The following TRABD2B variants were observed in gnomAD, a reference collection of about 807,000 sequenced individuals.
The protein encoded by TRABD2B is TraB domain containing 2B.
TRABD2B carries 14 observed loss-of-function variants against 40.1 expected under a neutral mutation model. The ratio of observed to expected loss-of-function variants is 0.35; its 90% CI spans 0.23 to 0.55. The LOEUF (loss-of-function observed/expected upper bound fraction) is 0.55. TRABD2B is among the 20% of genes least tolerant of loss of function. TRABD2B has a pLI of 0.90. For synonymous variants in TRABD2B, 263 were observed against 277.0 expected, an observed-to-expected ratio of 0.95 and a Z score of 0.50; for missense variants, 541 against 648.6, an observed-to-expected ratio of 0.83 and a Z score of 1.80.
intron 2 of TRABD2B, among the ~76,000 whole-genome samples, chr1:47,886,178 G>A (rs752647258): frequency 5.9e-5 from 9 of 152,116 alleles, no homozygotes; most frequent in Non-Finnish European, 1.0e-4. Context: ...TAACCCATCA[G>A]TTCAAACCTG....
intron 2 of TRABD2B, among the ~76,000 whole-genome samples, chr1:47,829,232 T>G (rs2124442293): frequency 1.3e-5 from 2 of 152,204 alleles, no homozygotes; most frequent in Middle Eastern, 3.4e-3. Flanking sequence ...TGCTGGCTTC[T>G]CAAACCTCGA....
At chr1:47,927,255 T>C (rs1381532821) in intron 2 of TRABD2B, among the ~76,000 whole-genome samples, 1 of 152,180 alleles carries the variant, frequency 6.6e-6, no homozygotes, top group Non-Finnish European at 1.5e-5. Flanking sequence ...AGGTGCCGGG[T>C]GCAGCCTTCC....
chr1:47,992,554 G>A (rs1307434692), intron 2 of TRABD2B, among the ~76,000 whole-genome samples: 1 of 152,128 alleles, frequency 6.6e-6, no homozygotes, highest in Non-Finnish European at 1.5e-5. Context: ...AAAAGATATC[G>A]AGGCCAGACC....
intron 4 of TRABD2B, among the ~76,000 whole-genome samples, chr1:47,793,919 C>T (rs1338842687): frequency 1.3e-5 from 2 of 152,172 alleles, no homozygotes; most frequent in Non-Finnish European, 2.9e-5. Context: ...AAGCAAGCAT[C>T]AAGTTCACTG....
intron 3 of TRABD2B, 85 bp downstream of exon 3, chr1:47,801,388 G>T: frequency 7.3e-7 from 1 of 1,370,856 alleles, no homozygotes; most frequent in Non-Finnish European, 9.9e-7. Context: ...TTCTTGCCAT[G>T]GCTGGAGAGA....
chr1:47,852,397 C>G (rs1188735650), intron 2 of TRABD2B, among the ~76,000 whole-genome samples: 1 of 152,196 alleles, frequency 6.6e-6, no homozygotes, highest in Non-Finnish European at 1.5e-5. Flanking sequence ...TTTCTGCCTC[C>G]CCCACTTCCT....
At chr1:47,918,996 G>GTCAC (rs1644865832) in intron 2 of TRABD2B, among the ~76,000 whole-genome samples, 1 of 152,212 alleles carries the variant, frequency 6.6e-6, no homozygotes, top group African/African-American at 2.4e-5. Flanking sequence ...CTGTTGGGAT[G>GTCAC]TCACTCCTCT....
chr1:47,915,403 C>A (rs1037778065), intron 2 of TRABD2B, among the ~76,000 whole-genome samples: 9 of 152,308 alleles, frequency 5.9e-5, no homozygotes, highest in East Asian at 1.9e-4. Flanking sequence ...GGGACTTACA[C>A]TTAACAAGTG....
At chr1:47,995,748 T>C (rs892363599) in intron 1 of TRABD2B, among the ~76,000 whole-genome samples, 16 of 152,184 alleles carry the variant, frequency 1.1e-4, no homozygotes, top group Admixed American at 6.5e-5. Context: ...GGGAGAACAG[T>C]ACCTTACTTT....
intron 2 of TRABD2B, among the ~76,000 whole-genome samples, chr1:47,881,546 CT>C (rs2124625916): frequency 6.6e-6 from 1 of 152,316 alleles, no homozygotes; most frequent in African/African-American, 2.4e-5. Flanking sequence ...AGGCACAAAG[CT>C]TTACGCTAAG....
intron 2 of TRABD2B, among the ~76,000 whole-genome samples, chr1:47,839,790 G>A (rs1342409379): frequency 1.3e-5 from 2 of 152,154 alleles, no homozygotes; most frequent in Non-Finnish European, 2.9e-5. Context: ...CTTAACTCCG[G>A]TCACACCATT....
intron 2 of TRABD2B, among the ~76,000 whole-genome samples, chr1:47,976,588 G>T (rs903896509): frequency 6.6e-6 from 1 of 152,150 alleles, no homozygotes. Context: ...TGTATAGAAC[G>T]CAATTGATGA....
At chr1:47,907,344 T>C (rs1019793126) in intron 2 of TRABD2B, among the ~76,000 whole-genome samples, 1 of 152,212 alleles carries the variant, frequency 6.6e-6, no homozygotes, top group Non-Finnish European at 1.5e-5. Flanking sequence ...ATGGAGATAT[T>C]AATGCAAGAA....
chr1:47,835,344 G>T (rs896633918), intron 2 of TRABD2B, among the ~76,000 whole-genome samples: 1 of 151,930 alleles, frequency 6.6e-6, no homozygotes. Context: ...GGAAAGGAAA[G>T]AAAGAAGGAT....
intron 2 of TRABD2B, among the ~76,000 whole-genome samples, chr1:47,929,286 T>G (rs1227736785): frequency 6.6e-6 from 1 of 152,212 alleles, no homozygotes; most frequent in African/African-American, 2.4e-5. Context: ...GAGTCCTAGA[T>G]GCCTCCTTTG....
At chr1:47,794,492 C>T (rs537100769) in intron 4 of TRABD2B, 94 bp downstream of exon 4, 3 of 1,374,304 alleles carry the variant, frequency 2.2e-6, no homozygotes, top group East Asian at 5.4e-5. Context: ...CATCCTGGGC[C>T]TCGACTTCTC....
intron 2 of TRABD2B, among the ~76,000 whole-genome samples, chr1:47,874,986 G>A (rs1430396615): frequency 1.3e-5 from 2 of 152,068 alleles, no homozygotes; most frequent in African/African-American, 4.8e-5. Flanking sequence ...CCTCAACTCA[G>A]TCTGTCCTCA....
Position 47,888,630 on chromosome 1 carries a change from C to A in TRABD2B, c.667-87011G>T, listed in dbSNP as rs532939121. ...CAGTGACTGTCACCTGCTTACCACA[C>A]CCATATCCTCTTCTTTCCAGGCACA... On this transcript the variant is annotated intron_variant, in intron 2 of 6. Transcript: ENST00000606738. 5.3e-5 allele frequency among the ~76,000 whole-genome samples: 8 copies of A among 152,290 alleles called. 1 individual carries two copies. The East Asian group carries it at 1.2e-3, about 22-fold the overall frequency.
Position 47,778,578 on chromosome 1 carries a change from A to T in TRABD2B, c.989-34T>A, listed in dbSNP as rs1557559618. 3 of 1,493,658 alleles carry T rather than the reference A, an allele frequency of 2.0e-6. No homozygotes were observed. In the African/African-American group the frequency reaches 4.2e-5, roughly 21 times the overall value. The allele number at this position is 1,493,658 out of a possible 1,614,324, so 92.5% of individuals were successfully genotyped here. On this transcript the variant is annotated intron_variant, in intron 4 of 6. Coordinates refer to ENST00000606738, the MANE Select transcript of TRABD2B (RefSeq NM_001194986.2). ...CAAGTGACAAAAGGGGCTCAGCCAC[A>T]TGCCAGGCCACCGGCCACAGGGGAC...
Sources: allele counts gnomAD v4.1 joint callset (sites outside exome capture counted in the v4.1 genomes callset), GRCh38; gene constraint gnomAD v4.1.1; transcripts MANE v1.5; gene names NCBI Gene and HGNC (gene_info 2026-07-23, HGNC 2026-07-21).